COX7B2: variants seen among roughly 807,000 people sequenced by gnomAD.
The protein encoded by COX7B2 is cytochrome c oxidase subunit 7B2, mitochondrial.
For synonymous variants in COX7B2, 37 were observed against 32.1 expected (o/e 1.15, Z -0.51); for missense variants, 109 against 95.9 (o/e 1.14, Z -0.57).
At chr4:46,778,438 A>G (rs1227534701) in intron 2 of COX7B2, among the ~76,000 whole-genome samples, 1 of 152,086 alleles carries the variant, frequency 6.6e-6, no homozygotes, top group Non-Finnish European at 1.5e-5. Flanking sequence ...GTAACACTGC[A>G]TTTCTAGGTA....
intron 1 of COX7B2, among the ~76,000 whole-genome samples, chr4:46,873,053 A>G (rs1175971180): frequency 7.3e-6 from 1 of 137,118 alleles, no homozygotes; most frequent in Non-Finnish European, 1.5e-5. Context: ...ACTCCCACTT[A>G]TGAGTGAGAA....
intron 1 of COX7B2, among the ~76,000 whole-genome samples, chr4:46,856,902 T>C (rs913934620): frequency 6.6e-6 from 1 of 152,150 alleles, no homozygotes; most frequent in African/African-American, 2.4e-5. Flanking sequence ...ATTTCACAGA[T>C]AGGTGAAATG....
chr4:46,864,551 C>G (rs1170066936), intron 1 of COX7B2, among the ~76,000 whole-genome samples: 9 of 152,054 alleles, frequency 5.9e-5, no homozygotes, highest in Non-Finnish European at 1.0e-4. Context: ...TCATTGCGTT[C>G]TTGGTCAATG....
intron 1 of COX7B2, among the ~76,000 whole-genome samples, chr4:46,867,675 C>T (rs777348007): frequency 2.6e-5 from 4 of 152,212 alleles, no homozygotes; most frequent in African/African-American, 4.8e-5. Flanking sequence ...TACATGGCCA[C>T]CTCAATAAAC....
At chr4:46,832,440 G>T (rs993258205) in intron 2 of COX7B2, among the ~76,000 whole-genome samples, 1 of 152,146 alleles carries the variant, frequency 6.6e-6, no homozygotes, top group African/African-American at 2.4e-5. Flanking sequence ...ATAATTTCAA[G>T]CAACATCAAG....
In COX7B2 at chr4:46,753,563, C is replaced by G. The variant is rs565420320; in HGVS notation, c.-49-18322G>C. On this transcript the variant is annotated intron_variant, in intron 2 of 2. Coordinates refer to ENST00000355591, the MANE Select transcript of COX7B2 (RefSeq NM_130902.3). ...CTTACACCTTATACAAAAATTAATT[C>G]AAGATGGATTAAAGACTTAAATGTT... Among the ~76,000 whole-genome samples the G allele has an allele frequency of 1.8e-3, 278 of 151,854 alleles. 1 individual carries two copies. In the Middle Eastern group the frequency reaches 0.02, roughly 11 times the overall value.
At chr4:46,841,609 A>G (rs2109756063) in intron 2 of COX7B2, among the ~76,000 whole-genome samples, 1 of 152,086 alleles carries the variant, frequency 6.6e-6, no homozygotes, top group Middle Eastern at 3.4e-3. Flanking sequence ...CCTAAACAAG[A>G]AAACAGTCAC....
intron 2 of COX7B2, among the ~76,000 whole-genome samples, chr4:46,819,986 C>A (rs967949119): frequency 6.6e-6 from 1 of 152,188 alleles, no homozygotes; most frequent in Non-Finnish European, 1.5e-5. Flanking sequence ...TCAAAGCTGA[C>A]ATATGACCCC....
rs979098553 is a variant in COX7B2 at position 46,836,363 on chromosome 4, T to A, written c.-50+8597A>T. On this transcript the variant is annotated intron_variant, in intron 2 of 2. Transcript: ENST00000355591. ...TTCTCTATTTAAAAAATTTTTTTTT[T>A]ATATTTTTTTAAAGTAGTTAAAATC... Among the ~76,000 whole-genome samples the A allele has an allele frequency of 3.3e-5, 5 of 151,888 alleles. No homozygotes were observed. In the South Asian group the frequency reaches 6.2e-4, roughly 19 times the overall value.
chr4:46,890,528 T>C (rs1719366996), intron 1 of COX7B2, among the ~76,000 whole-genome samples: 1 of 152,200 alleles, frequency 6.6e-6, no homozygotes, highest in African/African-American at 2.4e-5. Flanking sequence ...AGATCTTACA[T>C]TTTATCAGGA....
rs189421856 is a variant in COX7B2 at position 46,884,267 on chromosome 4, T to C, written c.-105+24893A>G. Among the ~76,000 whole-genome samples, 340 of 152,266 alleles carry C rather than the reference T, an allele frequency of 2.2e-3. 2 individuals are homozygous for C. Among genetic ancestry groups the C allele is most frequent in the African/African-American group, 7.9e-3 (330 of 41,562 alleles). ...GTGCAGTGGCACCACCATAGCTCCC[T>C]GCAGCCTGGAACTCCTAGGCTCATA... On this transcript the variant is annotated intron_variant, in intron 1 of 2. Transcript: ENST00000355591.
intron 1 of COX7B2, among the ~76,000 whole-genome samples, chr4:46,855,943 A>G (rs1716986226): frequency 6.6e-6 from 1 of 152,090 alleles, no homozygotes; most frequent in African/African-American, 2.4e-5. Flanking sequence ...ACAAATTAAT[A>G]TTTATTTAAA....
intron 2 of COX7B2, among the ~76,000 whole-genome samples, chr4:46,803,989 T>C (rs984240013): frequency 6.6e-6 from 1 of 152,156 alleles, no homozygotes; most frequent in Non-Finnish European, 1.5e-5. Context: ...AGTGTTACAG[T>C]TCTCAAAGGC....
At chr4:46,808,666 G>T (rs1373186029) in intron 2 of COX7B2, among the ~76,000 whole-genome samples, 1 of 151,764 alleles carries the variant, frequency 6.6e-6, no homozygotes. Context: ...TATAATATTA[G>T]CTGTGGGTTT....
At chr4:46,908,640 C>A (rs1720549927) in intron 1 of COX7B2, among the ~76,000 whole-genome samples, 1 of 151,498 alleles carries the variant, frequency 6.6e-6, no homozygotes, top group African/African-American at 2.4e-5. Context: ...TTTCCTTTTA[C>A]TCCCATCCTA....
intron 1 of COX7B2, among the ~76,000 whole-genome samples, chr4:46,903,024 A>G (rs1373067604): frequency 2.0e-5 from 3 of 152,238 alleles, no homozygotes; most frequent in Admixed American, 6.5e-5. Context: ...AATGAGATCA[A>G]ACAACTTAAG....
chr4:46,846,821 G>A (rs770735989), intron 1 of COX7B2, among the ~76,000 whole-genome samples: 1 of 152,024 alleles, frequency 6.6e-6, no homozygotes, highest in Non-Finnish European at 1.5e-5. Context: ...TGATAAGCTA[G>A]ATGTGGGTAT....
intron 2 of COX7B2, among the ~76,000 whole-genome samples, chr4:46,744,913 G>A (rs555442242): frequency 1.3e-5 from 2 of 151,898 alleles, no homozygotes; most frequent in Admixed American, 6.6e-5. Context: ...TGTGTTTTTA[G>A]TAGAGACGGG....
chr4:46,884,657 GC>G (rs1718964154), intron 1 of COX7B2, among the ~76,000 whole-genome samples: 1 of 152,118 alleles, frequency 6.6e-6, no homozygotes, highest in Non-Finnish European at 1.5e-5. Context: ...TATTCACATT[GC>G]CCATTCATCC....
Sources: gnomAD v4.1 joint callset for allele counts (sites outside exome capture counted in the v4.1 genomes callset) on GRCh38, gnomAD v4.1.1 for gene constraint, MANE v1.5 for transcripts, NCBI Gene and HGNC (gene_info 2026-07-23, HGNC 2026-07-21) for gene names.